MEIG1: variants seen among roughly 807,000 people sequenced by gnomAD.
The protein encoded by MEIG1 is meiosis/spermiogenesis associated 1.
MEIG1 carries 12 observed loss-of-function variants against 11.3 expected under a neutral mutation model. The ratio of observed to expected loss-of-function variants is 1.07; its 90% CI spans 0.68 to 1.73. MEIG1 has a LOEUF of 1.73. Among genes scored for constraint, MEIG1 ranks in the 40% most tolerant of loss-of-function variants. MEIG1 has a pLI of 0.00. For missense variants in MEIG1, 119 were observed against 104.9 expected (o/e 1.13, Z -0.59); for synonymous variants, 41 against 33.2 (o/e 1.24, Z -0.81).
chr10:14,975,298 G>C (rs1843198380), downstream of MEIG1, among the ~76,000 whole-genome samples: 1 of 152,110 alleles, frequency 6.6e-6, no homozygotes. Flanking sequence ...CTAGTAGCCA[G>C]GAAGGGAGAG....
At chr10:14,954,523 G>T (rs199714496), upstream of MEIG1, 3 of 231,666 alleles carry the variant, frequency 1.3e-5, no homozygotes, top group East Asian at 2.0e-4. Flanking sequence ...TGGGATTACC[G>T]TGAGGGTTGT....
chr10:14,964,585 GTATATA>G (rs1240178960), intron 1 of MEIG1, among the ~76,000 whole-genome samples: 20 of 93,034 alleles, frequency 2.1e-4, no homozygotes, highest in East Asian at 1.4e-3. Flanking sequence ...GTGTGTGTGT[GTATATA>G]TATATATATA....
Position 14,962,764 on chromosome 10 carries a change from T to G in MEIG1, c.-30+3207T>G, listed in dbSNP as rs903238743. On this transcript the variant is annotated intron_variant, in intron 1 of 2. Coordinates refer to ENST00000407572, the MANE Select transcript of MEIG1 (RefSeq NM_001080836.3). ...TATAAAAATATGACTAATTTGGAAT[T>G]TTTTTTTTTTTTCTTTTTTTCAGAC... Among the ~76,000 whole-genome samples, 661 of 143,374 alleles carry G rather than the reference T, an allele frequency of 4.6e-3. 1 individual carries two copies. The highest frequency in any genetic ancestry group is 7.1e-3 in the Non-Finnish European group (471 of 66,358). 94.1% of individuals were successfully genotyped at this position (143,374 alleles called of 152,430 possible).
At chr10:14,981,537 C>T (rs570459410) in intron 1 of MEIG1, among the ~76,000 whole-genome samples, 24 of 152,156 alleles carry the variant, frequency 1.6e-4, no homozygotes, top group African/African-American at 5.8e-4. Flanking sequence ...AGGGGGCGAC[C>T]GGGGCGGTTA....
At chr10:14,967,187 A>C (rs1372070813) in intron 2 of MEIG1, among the ~76,000 whole-genome samples, 2 of 151,548 alleles carry the variant, frequency 1.3e-5, no homozygotes, top group Non-Finnish European at 2.9e-5. Flanking sequence ...GTAGACCACA[A>C]AAAAAAAGCT....
At chr10:14,961,083 G>A (rs1843007295) in intron 1 of MEIG1, among the ~76,000 whole-genome samples, 1 of 152,080 alleles carries the variant, frequency 6.6e-6, no homozygotes, top group Non-Finnish European at 1.5e-5. Flanking sequence ...TTAACTATGG[G>A]ATTATGTCCC....
chr10:14,976,137 TTGA>T (rs766901761), downstream of MEIG1, among the ~76,000 whole-genome samples: 11 of 150,898 alleles, frequency 7.3e-5, no homozygotes, highest in Non-Finnish European at 1.5e-4. Context: ...GGAGAGGGGG[TTGA>T]TATTACTCCC....
At chr10:14,987,337 C>G (rs1050459379) in intron 2 of MEIG1, 3 of 774,988 alleles carry the variant, frequency 3.9e-6, no homozygotes, top group African/African-American at 1.8e-5. Flanking sequence ...GATACAAGGA[C>G]AGGGACAGGG....
chr10:14,964,078 C>G lies in MEIG1; in HGVS notation c.-29-2362C>G, dbSNP rs57707764. ...GCGCCTCTGCACTCCAGCCTGGTGA[C>G]AGAGCGAGACTCCGTCTCAAAAAAA... On this transcript the variant is annotated intron_variant, in intron 1 of 2. Coordinates refer to ENST00000407572, the MANE Select transcript of MEIG1 (RefSeq NM_001080836.3). Among the ~76,000 whole-genome samples, 478 of 131,076 alleles carry G rather than the reference C, an allele frequency of 3.6e-3. 1 individual carries two copies. Among genetic ancestry groups the G allele is most frequent in the African/African-American group, 0.013 (454 of 33,982 alleles). 86.0% of individuals were successfully genotyped at this position (131,076 alleles called of 152,430 possible).
intron 1 of MEIG1, among the ~76,000 whole-genome samples, chr10:14,982,152 C>T (rs181720798): frequency 6.6e-6 from 1 of 152,238 alleles, no homozygotes; most frequent in South Asian, 2.1e-4. Flanking sequence ...CACAGTCTCT[C>T]GTATAATTGT....
rs532597973 is a variant in MEIG1 at position 14,969,111 on chromosome 10, C to G, written c.138+2505C>G. ...TAAATAAATAAAATAAGTTTCATAC[C>G]CTGCCTTAAGATTGGGATGCCCCTA... On this transcript the variant is annotated intron_variant, in intron 2 of 2. Transcript: ENST00000407572. 2.4e-3 allele frequency among the ~76,000 whole-genome samples: 371 copies of G among 151,904 alleles called. 1 individual carries two copies. The highest frequency in any genetic ancestry group is 8.6e-3 in the African/African-American group (356 of 41,422).
exon 2 of MEIG1, chr10:14,986,904 ATG>A (rs1469797224): frequency 1.8e-6 from 1 of 549,664 alleles, no homozygotes; most frequent in African/African-American, 1.9e-5. Flanking sequence ...CACAGACAAA[ATG>A]AGAGATTTCC....
intron 1 of MEIG1, among the ~76,000 whole-genome samples, chr10:14,985,431 C>T (rs575227139): frequency 2.0e-5 from 3 of 152,114 alleles, no homozygotes; most frequent in African/African-American, 7.2e-5. Flanking sequence ...GGGGGTGTTA[C>T]TCCTAATGTC....
intron 1 of MEIG1, among the ~76,000 whole-genome samples, chr10:14,980,166 G>A (rs1252928941): frequency 6.6e-6 from 1 of 151,914 alleles, no homozygotes; most frequent in Admixed American, 6.6e-5. Context: ...TTGTCACAGG[G>A]GGTGTGGTTT....
intron 1 of MEIG1, among the ~76,000 whole-genome samples, chr10:14,979,126 G>T (rs1030058290): frequency 6.6e-6 from 1 of 151,982 alleles, no homozygotes; most frequent in Non-Finnish European, 1.5e-5. Flanking sequence ...GTCACATGGG[G>T]TGTACTCCCT....
At chr10:14,967,844 AT>A (rs1393108849) in intron 2 of MEIG1, among the ~76,000 whole-genome samples, 1 of 151,950 alleles carries the variant, frequency 6.6e-6, no homozygotes, top group African/African-American at 2.4e-5. Context: ...TTTCTTAATT[AT>A]TTTTGATATT....
intron 1 of MEIG1, among the ~76,000 whole-genome samples, chr10:14,965,007 G>C (rs1843063543): frequency 6.6e-6 from 1 of 152,062 alleles, no homozygotes; most frequent in East Asian, 1.9e-4. Flanking sequence ...GGCTGGTCTT[G>C]AACTCCTGAC....
intron 1 of MEIG1, among the ~76,000 whole-genome samples, chr10:14,964,116 G>T (rs1345028263): frequency 3.0e-5 from 4 of 132,898 alleles, no homozygotes; most frequent in African/African-American, 1.1e-4. Context: ...AAAAAAAAAA[G>T]AATACAATAT....
At chr10:14,972,490 G>C in intron 2 of MEIG1, 23 bp from the exon 3 acceptor site, 1 of 1,613,738 alleles carries the variant, frequency 6.2e-7, no homozygotes, top group Non-Finnish European at 8.5e-7. Context: ...TGTAACGTTT[G>C]TACTCTGGTT....
Sources: allele counts gnomAD v4.1 joint callset (sites outside exome capture counted in the v4.1 genomes callset), GRCh38; gene constraint gnomAD v4.1.1; transcripts MANE v1.5; gene names NCBI Gene and HGNC (gene_info 2026-07-23, HGNC 2026-07-21).